NLGN1: variants seen among roughly 807,000 people sequenced by gnomAD.
NLGN1 encodes neuroligin-1.
Under a neutral mutation model 65.5 loss-of-function variants are expected in NLGN1, and 12 were observed. The ratio of observed to expected loss-of-function variants is 0.18; its 90% CI spans 0.12 to 0.30. The LOEUF is 0.30. Ranked by LOEUF, NLGN1 falls within the 10% of genes least tolerant of loss-of-function variation. The probability of loss-of-function intolerance (pLI) is 1.00; values close to 1 mark genes in which losing one functional copy is unlikely to be tolerated. For synonymous variants in NLGN1, 350 were observed against 359.5 expected, an observed-to-expected ratio of 0.97 and a Z score of 0.30; for missense variants, 750 against 1,007.1, an observed-to-expected ratio of 0.74 and a Z score of 3.46.
chr3:173,490,849 T>C (rs1011725030), intron 2 of NLGN1, among the ~76,000 whole-genome samples: 2 of 152,064 alleles, frequency 1.3e-5, no homozygotes, highest in Non-Finnish European at 1.5e-5. Context: ...TTATTCTCTT[T>C]GAAGCAATTG....
At chr3:174,282,807 G>T (rs563824166) in exon 7 of NLGN1, 1 of 151,992 alleles carries the variant, frequency 6.6e-6, no homozygotes, top group Non-Finnish European at 1.5e-5. Context: ...AAAGTTATGT[G>T]ATTTTTTTTT....
At chr3:173,776,029 G>A (rs926676954) in intron 3 of NLGN1, among the ~76,000 whole-genome samples, 12 of 151,976 alleles carry the variant, frequency 7.9e-5, no homozygotes, top group Non-Finnish European at 1.8e-4. Flanking sequence ...TAGCTTATCT[G>A]TGCAAACTGT....
intron 2 of NLGN1, among the ~76,000 whole-genome samples, chr3:173,575,039 C>T (rs1029871530): frequency 2.0e-5 from 3 of 152,100 alleles, no homozygotes; most frequent in Non-Finnish European, 2.9e-5. Flanking sequence ...CTCATGCCAC[C>T]ATGCCGGGCT....
At chr3:173,529,801 A>G (rs1457846069) in intron 2 of NLGN1, among the ~76,000 whole-genome samples, 1 of 151,940 alleles carries the variant, frequency 6.6e-6, no homozygotes, top group African/African-American at 2.4e-5. Context: ...AGGGGAGGAT[A>G]CCTTTCAGGA....
intron 4 of NLGN1, among the ~76,000 whole-genome samples, chr3:173,963,755 A>G (rs1342329690): frequency 2.0e-5 from 3 of 152,232 alleles, no homozygotes; most frequent in Non-Finnish European, 2.9e-5. Flanking sequence ...CAAGCAATAC[A>G]AAGTTCAAAA....
chr3:173,938,860 G>C (rs1034951436), intron 4 of NLGN1, among the ~76,000 whole-genome samples: 9 of 152,056 alleles, frequency 5.9e-5, no homozygotes, highest in Non-Finnish European at 1.3e-4. Context: ...TTAGTGGCAA[G>C]AGCAGGATTT....
At chr3:173,562,557 T>C (rs1366218714) in intron 2 of NLGN1, among the ~76,000 whole-genome samples, 1 of 151,376 alleles carries the variant, frequency 6.6e-6, no homozygotes. Context: ...CAGAGCAAGA[T>C]TGTCTAAAAA....
In NLGN1 at chr3:173,958,633, G is replaced by GTT. The variant is rs574395710; in HGVS notation, c.646+150802_646+150803insTT. On this transcript the variant is annotated intron_variant, in intron 4 of 6. Transcript: ENST00000457714. ...GCAGCCATGGGTTGGAAAAAGCACT[G>GTT]TAAGTTCCCACTCTGGTCTGTGAGA... Among the ~76,000 whole-genome samples, 12 of 152,248 alleles carry GTT rather than the reference G, an allele frequency of 7.9e-5. No homozygotes were observed. The South Asian group carries it at 2.1e-3, about 26-fold the overall frequency.
At chr3:173,908,773 A>C (rs746435706) in intron 4 of NLGN1, among the ~76,000 whole-genome samples, 1 of 152,246 alleles carries the variant, frequency 6.6e-6, no homozygotes, top group African/African-American at 2.4e-5. Flanking sequence ...ATAGAGAAAA[A>C]TAAAAATAAT....
At chr3:173,733,180 C>T (rs562839781) in intron 3 of NLGN1, among the ~76,000 whole-genome samples, 2 of 152,198 alleles carry the variant, frequency 1.3e-5, no homozygotes, top group Non-Finnish European at 2.9e-5. Context: ...GTCTTCTTGG[C>T]TGATTGGAGT....
intron 4 of NLGN1, among the ~76,000 whole-genome samples, chr3:174,070,950 G>C (rs896512516): frequency 3.9e-5 from 6 of 152,144 alleles, no homozygotes; most frequent in Non-Finnish European, 1.5e-5. Context: ...AGCTACTCCA[G>C]AGGCTGATGT....
intron 3 of NLGN1, among the ~76,000 whole-genome samples, chr3:173,779,151 A>G (rs1181741821): frequency 1.3e-5 from 2 of 151,852 alleles, no homozygotes; most frequent in Non-Finnish European, 2.9e-5. Context: ...TATTTTGATA[A>G]GCTAAACAAA....
intron 4 of NLGN1, among the ~76,000 whole-genome samples, chr3:173,924,237 C>T (rs978405377): frequency 3.3e-5 from 5 of 152,034 alleles, no homozygotes; most frequent in African/African-American, 1.2e-4. Context: ...TTTGCCATCA[C>T]AGGAATTTTT....
At chr3:173,738,331 G>A (rs1218439112) in intron 3 of NLGN1, among the ~76,000 whole-genome samples, 1 of 151,834 alleles carries the variant, frequency 6.6e-6, no homozygotes, top group African/African-American at 2.4e-5. Context: ...CTAGACCAAG[G>A]TTGTGAAATT....
chr3:174,270,271 T>C lies in NLGN1; in HGVS notation c.647-5044T>C, dbSNP rs78796604. On this transcript the variant is annotated intron_variant, in intron 4 of 6. Transcript: ENST00000457714. ...CCTGAAATTCTTAATCTATATTTTATTTTAGGAGTTTAATAGTTTTGGGTT... is the reference window on the plus strand; with the variant it reads ...CCTGAAATTCTTAATCTATATTTTACTTTAGGAGTTTAATAGTTTTGGGTT... Among the ~76,000 whole-genome samples the C allele has an allele frequency of 1.8e-3, 266 of 151,680 alleles. 5 individuals carry two copies. In the East Asian group the frequency reaches 0.03, roughly 17 times the overall value.
At chr3:173,445,277 A>C (rs1443347243) in intron 2 of NLGN1, among the ~76,000 whole-genome samples, 1 of 131,792 alleles carries the variant, frequency 7.6e-6, no homozygotes, top group Non-Finnish European at 1.8e-5. Context: ...CAAAAAAAAA[A>C]AAAAAAAAAA....
intron 4 of NLGN1, among the ~76,000 whole-genome samples, chr3:174,156,017 A>C (rs1282266246): frequency 2.0e-5 from 3 of 151,946 alleles, no homozygotes; most frequent in African/African-American, 4.8e-5. Context: ...TTTAAGGCAC[A>C]TATTGGTTAT....
At chr3:174,076,724 A>AGAGAGAGAGAGT (rs1491274049) in intron 4 of NLGN1, among the ~76,000 whole-genome samples, 5 of 82,140 alleles carry the variant, frequency 6.1e-5, no homozygotes, top group Admixed American at 1.3e-4. Flanking sequence ...AGAGAGAGAG[A>AGAGAGAGAGAGT]GTGTGTGTGT....
chr3:173,449,420 C>G lies in NLGN1; in HGVS notation c.-321+14342C>G, dbSNP rs565588839. On this transcript the variant is annotated intron_variant, in intron 2 of 6. Transcript: ENST00000457714. Reference sequence around the variant, plus strand: ...AGTTCTAGTTTGATTGCACTGTGGTCTGAGAGACAGTTTGTTATAATTTCT... The same window carrying G: ...AGTTCTAGTTTGATTGCACTGTGGTGTGAGAGACAGTTTGTTATAATTTCT... Among the ~76,000 whole-genome samples, 8 of 152,214 alleles carry G rather than the reference C, an allele frequency of 5.3e-5. No individual in the cohort carries two copies. The South Asian group carries it at 1.7e-3, about 32-fold the overall frequency.
Sources: gnomAD v4.1 joint callset for allele counts (sites outside exome capture counted in the v4.1 genomes callset) on GRCh38, gnomAD v4.1.1 for gene constraint, MANE v1.5 for transcripts, NCBI Gene and HGNC (gene_info 2026-07-23, HGNC 2026-07-21) for gene names.